Variants in NPHP4 observed in about 807,000 individuals in gnomAD.
NPHP4 encodes nephrocystin 4.
NPHP4 carries 151 observed loss-of-function variants against 155.8 expected under a neutral mutation model. The observed-to-expected ratio is 0.97, with a 90% CI of 0.85 to 1.11. The LOEUF is 1.11. Ranked by LOEUF, NPHP4 falls within the 50% of genes least tolerant of loss-of-function variation. The pLI is 0.00. For synonymous variants in NPHP4, 845 were observed against 816.8 expected, an observed-to-expected ratio of 1.03 and a Z score of -0.59; for missense variants, 1,956 against 1,925.7, an observed-to-expected ratio of 1.02 and a Z score of -0.29.
chr1:5,964,939 A>ATTTTTTTTTTTTTTTTTTTT (rs1232148646), intron 5 of NPHP4, among the ~76,000 whole-genome samples: 2 of 62,706 alleles, frequency 3.2e-5, no homozygotes, highest in Non-Finnish European at 5.6e-5. Flanking sequence ...ATATATATAT[A>ATTTTTTTTTTTTTTTTTTTT]TATTTTTTTT....
At chr1:5,934,995 G>A (rs1046689733) in intron 9 of NPHP4, among the ~76,000 whole-genome samples, 4 of 152,174 alleles carry the variant, frequency 2.6e-5, no homozygotes, top group African/African-American at 4.8e-5. Context: ...ACAGATCCCC[G>A]CATGCATGCG....
At position 5,862,934 on chromosome 1, in the gene NPHP4, C is replaced by A; in HGVS notation, c.*331G>T. 3.2e-6 allele frequency: 1 copy of A among 313,434 alleles called. No individual in the cohort carries two copies. The allele number at this position is 313,434 out of a possible 1,614,324, so 19.4% of individuals were successfully genotyped here. A position where few individuals can be genotyped will look rare whatever the true frequency, so the allele number is the denominator to read the frequency against. ...AATCCAGTAAGAAAAACATAATTTTCTCATTTAGGATGATTCATAAAATAC... is the reference window on the plus strand; with the variant it reads ...AATCCAGTAAGAAAAACATAATTTTATCATTTAGGATGATTCATAAAATAC... On this transcript the variant is annotated 3_prime_UTR_variant, in exon 30 of 30. Transcript: ENST00000378156.
intron 17 of NPHP4, chr1:5,888,697 C>T: frequency 9.7e-7 from 1 of 1,033,408 alleles, no homozygotes; most frequent in Non-Finnish European, 1.3e-6. Context: ...GCACCATTTT[C>T]CTCCCAAATC....
At chr1:5,932,723 T>C (rs1646339313) in intron 10 of NPHP4, among the ~76,000 whole-genome samples, 1 of 148,632 alleles carries the variant, frequency 6.7e-6, no homozygotes, top group African/African-American at 2.5e-5. Flanking sequence ...ACACCCAAGG[T>C]CCAACAAGCA....
intron 11 of NPHP4, among the ~76,000 whole-genome samples, chr1:5,923,939 T>C (rs1226020877): frequency 1.3e-5 from 2 of 152,180 alleles, no homozygotes; most frequent in African/African-American, 4.8e-5. Context: ...CTGACAAAGA[T>C]ATTAGAATTA....
intron 2 of NPHP4, among the ~76,000 whole-genome samples, chr1:5,980,673 C>T (rs1263671492): frequency 6.6e-6 from 1 of 152,036 alleles, no homozygotes; most frequent in Admixed American, 6.5e-5. Flanking sequence ...GCTGCGTGGT[C>T]ATGAAGGGAG....
intron 2 of NPHP4, among the ~76,000 whole-genome samples, chr1:5,981,940 A>G (rs2102412017): frequency 6.6e-6 from 1 of 152,324 alleles, no homozygotes; most frequent in East Asian, 1.9e-4. Context: ...GGTGGCCTCA[A>G]AAAATGAGCT....
At position 5,905,010 on chromosome 1, in the gene NPHP4, G is replaced by A. The variant is rs894763170; in HGVS notation, c.1956-206C>T. On this transcript the variant is annotated intron_variant, in intron 15 of 29. Coordinates refer to ENST00000378156, the MANE Select transcript of NPHP4 (RefSeq NM_015102.5). This position sits in a 1 kb window ranked among gnomAD's most constrained non-coding sequence, Gnocchi z 4.0. ...CATTCTCGAGTGTAAGGACACTCCC[G>A]GCTAGAGAAGCTGCCTTTGGAGCTA... 5.9e-5 allele frequency among the ~76,000 whole-genome samples: 9 copies of A among 152,120 alleles called. No homozygotes were observed. The highest frequency in any genetic ancestry group is 1.2e-4 in the African/African-American group (5 of 41,412).
chr1:5,888,515 T>C, intron 17 of NPHP4: 1 of 1,298,354 alleles, frequency 7.7e-7, no homozygotes, highest in African/African-American at 1.6e-5. Flanking sequence ...CCTGGTCGCT[T>C]TGCCACACTC....
intron 2 of NPHP4, among the ~76,000 whole-genome samples, chr1:5,983,622 T>C (rs1392462496): frequency 6.6e-6 from 1 of 152,186 alleles, no homozygotes; most frequent in Non-Finnish European, 1.5e-5. Flanking sequence ...ATCCTTCTGC[T>C]GGATCAACCT....
chr1:5,974,282 C>T (rs116417851), intron 3 of NPHP4, among the ~76,000 whole-genome samples: 1,890 of 152,246 alleles, frequency 0.012, 47 homozygotes, highest in African/African-American at 0.044. Context: ...GGGGCTGGTG[C>T]GCTCTGGGAG....
chr1:5,905,763 G>C lies in NPHP4; in HGVS notation c.1632C>G (p.Ala544=). Residue 544 remains alanine, a synonymous_variant, in exon 14 of 30, where the codon GCC becomes GCG. Transcript: ENST00000378156. The surrounding 1 kb of genome is among the most constrained non-coding windows in gnomAD (Gnocchi z 4.0). ...GGTCGGCTTCCAGGTGGGAGATACC[G>C]GCCTCCAACGGGAACTCCTGCTGAA... is the stretch of plus-strand genomic sequence containing the variant. ...PAQAQEFPLE[A]GISHLEADLS... The C allele has an allele frequency of 6.2e-7, 1 of 1,609,266 alleles. No homozygotes were observed. Among genetic ancestry groups the C allele is most frequent in the Non-Finnish European group, 8.5e-7 (1 of 1,177,746 alleles).
chr1:5,947,362 C>T, intron 8 of NPHP4, 132 bp from the exon 9 acceptor site: 1 of 881,696 alleles, frequency 1.1e-6, no homozygotes. Flanking sequence ...AACAGCAAGT[C>T]CACCATGTAA....
intron 1 of NPHP4, among the ~76,000 whole-genome samples, 187 bp downstream of exon 1, chr1:5,992,057 G>A (rs1570792811): frequency 6.6e-6 from 1 of 151,972 alleles, no homozygotes; most frequent in Admixed American, 6.5e-5. Context: ...CTAACGCGGG[G>A]ACAGCCCCCG....
At chr1:5,964,935 A>ATTTTTTTTTT (rs1476774217) in intron 5 of NPHP4, among the ~76,000 whole-genome samples, 378 of 31,866 alleles carry the variant, frequency 0.012, 11 homozygotes, top group African/African-American at 0.055. Flanking sequence ...ATATATATAT[A>ATTTTTTTTTT]TATATATTTT....
chr1:5,909,929 C>T (rs765202228), intron 11 of NPHP4, among the ~76,000 whole-genome samples: 2 of 152,188 alleles, frequency 1.3e-5, no homozygotes, highest in Non-Finnish European at 2.9e-5. Context: ...ATTTGTGCTG[C>T]TTCTGCAACC....
At chr1:5,871,030 G>C (rs1641948779) in intron 23 of NPHP4, among the ~76,000 whole-genome samples, 1 of 152,188 alleles carries the variant, frequency 6.6e-6, no homozygotes, top group Non-Finnish European at 1.5e-5. Flanking sequence ...AGAGGACAGT[G>C]GCCTTATTTT....
chr1:5,966,674 C>T (rs1428630225), intron 5 of NPHP4, among the ~76,000 whole-genome samples: 1 of 152,160 alleles, frequency 6.6e-6, no homozygotes, highest in East Asian at 1.9e-4. Flanking sequence ...CCACTCTTCC[C>T]CACCCACACT....
chr1:5,946,516 C>A (rs1033510214), intron 9 of NPHP4, among the ~76,000 whole-genome samples: 2 of 152,192 alleles, frequency 1.3e-5, no homozygotes, highest in African/African-American at 4.8e-5. Context: ...AACTTACTGA[C>A]CTATGCATTA....
Sources: gnomAD v4.1 joint callset for allele counts (sites outside exome capture counted in the v4.1 genomes callset) on GRCh38, gnomAD v4.1.1 for gene constraint, Gnocchi (gnomAD v3.1) non-coding constraint, MANE v1.5 for transcripts, NCBI Gene and HGNC (gene_info 2026-07-23, HGNC 2026-07-21) for gene names.